Variants in EML4 observed in about 807,000 individuals in gnomAD.
The protein encoded by EML4 is echinoderm microtubule-associated protein-like 4.
A neutral mutation model predicts 129.0 loss-of-function variants in EML4; 72 were observed. The ratio of observed to expected loss-of-function variants is 0.56; its 90% CI spans 0.46 to 0.68. The LOEUF is 0.68. Ranked by LOEUF, EML4 falls within the 30% of genes least tolerant of loss-of-function variation. The probability of loss-of-function intolerance (pLI) is 0.00; values close to 1 mark genes in which losing one functional copy is unlikely to be tolerated. For missense variants in EML4, 1,363 were observed against 1,190.6 expected, an observed-to-expected ratio of 1.14 and a Z score of -2.13; for synonymous variants, 532 against 405.0, an observed-to-expected ratio of 1.31 and a Z score of -3.77.
chr2:42,254,840 G>A (rs1437323291), intron 2 of EML4, among the ~76,000 whole-genome samples: 1 of 152,040 alleles, frequency 6.6e-6, no homozygotes, highest in Non-Finnish European at 1.5e-5. Flanking sequence ...TTACACAAAT[G>A]TTTATGGCAG....
At chr2:42,201,009 T>C (rs1318692021) in intron 1 of EML4, among the ~76,000 whole-genome samples, 1 of 152,222 alleles carries the variant, frequency 6.6e-6, no homozygotes, top group Non-Finnish European at 1.5e-5. Flanking sequence ...AATTGTTGTC[T>C]ATAGCAGTAA....
At chr2:42,306,137 G>T (rs1175787958) in intron 17 of EML4, among the ~76,000 whole-genome samples, 1 of 152,190 alleles carries the variant, frequency 6.6e-6, no homozygotes, top group Non-Finnish European at 1.5e-5. Flanking sequence ...GGCTAGCTCA[G>T]ATCTTCCCCA....
chr2:42,319,226 C>T (rs940204632), intron 19 of EML4, among the ~76,000 whole-genome samples: 4 of 152,128 alleles, frequency 2.6e-5, no homozygotes, highest in Non-Finnish European at 5.9e-5. Flanking sequence ...AGCCGACTTT[C>T]CAATGTACAG....
chr2:42,313,994 A>T (rs575331957), intron 17 of EML4, among the ~76,000 whole-genome samples: 1 of 152,182 alleles, frequency 6.6e-6, no homozygotes, highest in Admixed American at 6.5e-5. Flanking sequence ...TAGTGGTGGA[A>T]TTTTTTCCAT....
chr2:42,252,298 T>C (rs1405664151), intron 2 of EML4, among the ~76,000 whole-genome samples: 2 of 152,196 alleles, frequency 1.3e-5, no homozygotes, highest in Non-Finnish European at 2.9e-5. Context: ...TAGCATTCTT[T>C]TGTCATGATC....
chr2:42,304,752 T>C (rs946305640), intron 17 of EML4, among the ~76,000 whole-genome samples: 3 of 152,238 alleles, frequency 2.0e-5, no homozygotes, highest in African/African-American at 7.2e-5. Context: ...TGCTATTGTG[T>C]GTATTCAGAA....
chr2:42,179,799 A>G (rs1034947980), intron 1 of EML4, among the ~76,000 whole-genome samples: 1 of 151,950 alleles, frequency 6.6e-6, no homozygotes, highest in Admixed American at 6.6e-5. Context: ...ATGGAGTTTC[A>G]CTATGTTGGT....
chr2:42,212,425 G>A (rs1416129492), intron 1 of EML4, among the ~76,000 whole-genome samples: 1 of 151,556 alleles, frequency 6.6e-6, no homozygotes, highest in East Asian at 1.9e-4. Context: ...AATTCCTTCA[G>A]CGTTTTAAAG....
intron 19 of EML4, chr2:42,325,250 C>G: frequency 1.7e-6 from 1 of 603,076 alleles, no homozygotes; most frequent in Non-Finnish European, 3.2e-6. Flanking sequence ...GTAGTAGGTG[C>G]TAGTTTCTGG....
chr2:42,202,852 A>AC (rs1462257270), intron 1 of EML4, among the ~76,000 whole-genome samples: 2 of 152,020 alleles, frequency 1.3e-5, no homozygotes, highest in Non-Finnish European at 2.9e-5. Flanking sequence ...ACGTAGCAAG[A>AC]CCCCATCTCT....
intron 1 of EML4, among the ~76,000 whole-genome samples, chr2:42,189,295 C>T (rs1303405500): frequency 2.6e-5 from 4 of 152,160 alleles, no homozygotes. Context: ...TTAAATCTGT[C>T]CATGTCTCCT....
chr2:42,192,195 A>G (rs1305982117), intron 1 of EML4, among the ~76,000 whole-genome samples: 1 of 130,548 alleles, frequency 7.7e-6, no homozygotes, highest in Admixed American at 7.7e-5. Flanking sequence ...AGTGAAAGTT[A>G]CTCTTTTCTT....
rs114256977 is a variant in EML4, at chr2:42,236,489, A to C, written c.26-9016A>C. Among the ~76,000 whole-genome samples the C allele has an allele frequency of 9.5e-3, 1,454 of 152,346 alleles. 28 individuals are homozygous for C. The highest frequency in any genetic ancestry group is 0.033 in the African/African-American group (1,352 of 41,578). Reference sequence around the variant, plus strand: ...CTGTTTTATAAATGAAGTTTTATTAAATGAAGTTTTATTGGAACATAGCCA... The same window carrying C: ...CTGTTTTATAAATGAAGTTTTATTACATGAAGTTTTATTGGAACATAGCCA... On this transcript the variant is annotated intron_variant, in intron 1 of 22. Coordinates refer to ENST00000318522, the MANE Select transcript of EML4 (RefSeq NM_019063.5).
At chr2:42,303,624 G>A (rs1353517354) in intron 16 of EML4, among the ~76,000 whole-genome samples, 178 bp downstream of exon 16, 2 of 152,172 alleles carry the variant, frequency 1.3e-5, no homozygotes, top group Non-Finnish European at 2.9e-5. Context: ...AACATGAACC[G>A]ATTTTAAAGA....
At chr2:42,249,743 C>G (rs73933518) in intron 2 of EML4, among the ~76,000 whole-genome samples, 55 of 152,086 alleles carry the variant, frequency 3.6e-4, no homozygotes, top group African/African-American at 1.3e-3. Flanking sequence ...AAAGCTAAGC[C>G]CCATTTTTTT....
At chr2:42,283,481 T>G (rs1444694456) in intron 8 of EML4, among the ~76,000 whole-genome samples, 4 of 152,214 alleles carry the variant, frequency 2.6e-5, no homozygotes, top group Non-Finnish European at 5.9e-5. Flanking sequence ...TTGTTACTTT[T>G]TAGTTAAATG....
At chr2:42,286,063 T>TA in intron 9 of EML4, 1 of 617,332 alleles carries the variant, frequency 1.6e-6, no homozygotes, top group Non-Finnish European at 2.9e-6. Flanking sequence ...ACATAGTAAA[T>TA]ACACAAGTTA....
At chr2:42,271,154 A>G (rs1666341345) in intron 6 of EML4, among the ~76,000 whole-genome samples, 1 of 152,226 alleles carries the variant, frequency 6.6e-6, no homozygotes, top group South Asian at 2.1e-4. Flanking sequence ...TCAGCCTTCC[A>G]GAATGCTGGG....
intron 1 of EML4, among the ~76,000 whole-genome samples, chr2:42,201,824 G>A (rs989380561): frequency 3.4e-5 from 5 of 145,440 alleles, no homozygotes; most frequent in African/African-American, 1.4e-4. Context: ...GCTCAGGCCT[G>A]TAATCCCAGC....
Sources: gnomAD v4.1 joint callset for allele counts (sites outside exome capture counted in the v4.1 genomes callset) on GRCh38, gnomAD v4.1.1 for gene constraint, MANE v1.5 for transcripts, NCBI Gene and HGNC (gene_info 2026-07-23, HGNC 2026-07-21) for gene names.